Variants in ABR observed in about 807,000 individuals in gnomAD.
ABR encodes active breakpoint cluster region-related protein.
In ABR, 35 loss-of-function variants were observed where a neutral mutation model predicts 107.2. The observed-to-expected ratio is 0.33, with a 90% confidence interval of 0.25 to 0.43. The LOEUF (loss-of-function observed/expected upper bound fraction) is 0.43, where lower values mean the gene tolerates loss of function less well. ABR is among the 20% of genes least tolerant of loss of function. ABR has a pLI of 1.00. For missense variants in ABR, 815 were observed against 1,115.2 expected, an observed-to-expected ratio of 0.73 and a Z score of 3.83; for synonymous variants, 498 against 462.0, an observed-to-expected ratio of 1.08 and a Z score of -1.00.
intron 1 of ABR, among the ~76,000 whole-genome samples, chr17:1,175,728 C>G (rs536438066): frequency 5.3e-5 from 8 of 152,260 alleles, no homozygotes; most frequent in African/African-American, 1.9e-4. Context: ...GACCACCAAA[C>G]CTGTGATGGA....
At chr17:1,068,208 CA>C (rs2034912852) in intron 9 of ABR, among the ~76,000 whole-genome samples, 3 of 152,246 alleles carry the variant, frequency 2.0e-5, no homozygotes, top group African/African-American at 7.2e-5. Flanking sequence ...GCTGGGATTA[CA>C]GGCATAAGCC....
chr17:1,159,713 C>T (rs1217128008), intron 1 of ABR, among the ~76,000 whole-genome samples: 1 of 148,918 alleles, frequency 6.7e-6, no homozygotes, highest in African/African-American at 2.5e-5. Flanking sequence ...GCGGTACTCA[C>T]GCACAAGGGA....
rs560550443 is a variant in ABR, at chr17:1,010,473, C to T, written c.2236+256G>A. The T allele has an allele frequency of 5.7e-5, 29 of 509,426 alleles. 1 individual carries two copies. The highest frequency in any genetic ancestry group is 5.5e-4 in the East Asian group (16 of 29,166). 31.6% of individuals were successfully genotyped at this position (509,426 alleles called of 1,614,324 possible). ...CTCGAGCTTCCAAGCAAGAGGCCAA[C>T]GTCCAAATAGGAAGCAGAAGGGGCT... On this transcript the variant is annotated intron_variant, in intron 20 of 22. Transcript: ENST00000302538. The surrounding 1 kb of genome is among the most constrained non-coding windows in gnomAD (Gnocchi z 4.1).
At position 1,045,357 on chromosome 17, in the gene ABR, CTTA is replaced by C. The variant is rs2031402296; in HGVS notation, c.1791+4690_1791+4692del. On this transcript the variant is annotated intron_variant, in intron 16 of 22. Coordinates refer to ENST00000302538, the MANE Select transcript of ABR (RefSeq NM_021962.5). ...TTATAGCAGGACAATCTTCCATCTT[CTTA>C]CAGCAGGACAATCTTCCGTCTTCTT... Among the ~76,000 whole-genome samples the C allele has an allele frequency of 8.4e-5, 11 of 130,900 alleles. No homozygotes were observed. In the South Asian group the frequency reaches 2.6e-3, roughly 31 times the overall value. 85.9% of individuals were successfully genotyped at this position (130,900 alleles called of 152,430 possible). A position where few individuals can be genotyped will look rare whatever the true frequency, so the allele number is the denominator to read the frequency against.
Position 1,009,688 on chromosome 17 carries a change from T to G in ABR, c.2333A>C (p.His778Pro), listed in dbSNP as rs1395929002. The change falls in exon 21 of 23, where the codon CAC (histidine) becomes CCC (proline). Residue 778 changes from histidine to proline, a missense_variant. Transcript: ENST00000302538. ...GGCCGCTCCCCGTTACCTTTTCAAG[T>G]GTTCCAGCAGGAAGAGGAAGGTGAT... Reference protein sequence around the residue: ...NLITFLFLLEHLKRVAEKEPI... With the variant: ...NLITFLFLLEPLKRVAEKEPI... The G allele has an allele frequency of 6.2e-7, 1 of 1,612,900 alleles. No individual in the cohort carries two copies. Among genetic ancestry groups the G allele is most frequent in the Non-Finnish European group, 8.5e-7 (1 of 1,179,306 alleles).
intron 1 of ABR, among the ~76,000 whole-genome samples, chr17:1,139,080 CA>C (rs1396811586): frequency 2.6e-5 from 4 of 151,920 alleles, no homozygotes; most frequent in Non-Finnish European, 4.4e-5. Flanking sequence ...CTTAGGAAGC[CA>C]GGGAAAGGAG....
intron 2 of ABR, among the ~76,000 whole-genome samples, chr17:1,110,088 A>G: frequency 6.9e-6 from 1 of 144,900 alleles, no homozygotes; most frequent in South Asian, 2.4e-4. Flanking sequence ...GCAGGGAGCC[A>G]TCCTGCAAGG....
Position 1,113,277 on chromosome 17 carries a change from G to GGTTTTTTTTTTTTTTTTTTT in ABR, c.246+11905_246+11906insAAAAAAAAAAAAAAAAAAAC, listed in dbSNP as rs1416563541. 4.5e-5 allele frequency among the ~76,000 whole-genome samples: 4 copies of GGTTTTTTTTTTTTTTTTTTT among 88,172 alleles called. 2 individuals are homozygous for GGTTTTTTTTTTTTTTTTTTT. Among genetic ancestry groups the GGTTTTTTTTTTTTTTTTTTT allele is most frequent in the Non-Finnish European group, 4.3e-5 (2 of 46,544 alleles). The allele number at this position is 88,172 out of a possible 152,430, so 57.8% of individuals were successfully genotyped here. ...GGGATAACATGGAAACACCTATTGCGATTTTTTTTTTTTTTTTTTTTTTTT... is the reference window on the plus strand; with the variant it reads ...GGGATAACATGGAAACACCTATTGCGGTTTTTTTTTTTTTTTTTTTATTTTTTTTTTTTTTTTTTTTTTTT... On this transcript the variant is annotated intron_variant, in intron 2 of 22. Coordinates refer to ENST00000302538, the MANE Select transcript of ABR (RefSeq NM_021962.5).
intron 1 of ABR, among the ~76,000 whole-genome samples, chr17:1,147,586 C>T (rs980144688): frequency 1.3e-5 from 2 of 152,110 alleles, no homozygotes; most frequent in African/African-American, 4.8e-5. Context: ...GTCTCAAACT[C>T]CTGACCTCAG....
intron 1 of ABR, among the ~76,000 whole-genome samples, chr17:1,198,737 G>A (rs1395261575): frequency 2.7e-5 from 4 of 150,286 alleles, no homozygotes; most frequent in Non-Finnish European, 5.9e-5. Flanking sequence ...CCGGGTTCAC[G>A]CCATTCTCCT....
chr17:1,169,822 G>A (rs920564594), intron 1 of ABR, among the ~76,000 whole-genome samples: 4 of 152,142 alleles, frequency 2.6e-5, no homozygotes, highest in Admixed American at 1.3e-4. Context: ...TTAAAAGGCT[G>A]GAGAGCAGGG....
upstream of ABR, among the ~76,000 whole-genome samples, chr17:1,180,973 G>A (rs551370475): frequency 3.9e-5 from 6 of 152,306 alleles, no homozygotes; most frequent in African/African-American, 1.4e-4. Context: ...GGAAAGGGAA[G>A]CAGTGGGGCC....
In ABR at chr17:1,009,866, C is replaced by G. The variant is rs1248814421; in HGVS notation, c.2237-82G>C. The G allele has an allele frequency of 3.9e-6, 5 of 1,273,438 alleles. No individual in the cohort carries two copies. The African/African-American group carries it at 4.4e-5, about 11-fold the overall frequency. 78.9% of individuals were successfully genotyped at this position (1,273,438 alleles called of 1,614,324 possible). The stretch of plus-strand genomic sequence containing the variant: ...CCTGTGGTCGTGAGGCTGTGGGCCC[C>G]TGCGGGAGAGAGCCCAGGCTTCCAG... On this transcript the variant is annotated intron_variant, in intron 20 of 22. Transcript: ENST00000302538.
At position 1,179,099 on chromosome 17, in the gene ABR, C is replaced by G. The variant is rs2042023891; in HGVS notation, c.61+568G>C. Among the ~76,000 whole-genome samples the G allele has an allele frequency of 6.6e-6, 1 of 151,812 alleles. No homozygotes were observed. Among genetic ancestry groups the G allele is most frequent in the Non-Finnish European group, 1.5e-5 (1 of 67,926 alleles). On this transcript the variant is annotated intron_variant, in intron 1 of 22. Transcript: ENST00000302538. This position sits in a 1 kb window ranked among gnomAD's most constrained non-coding sequence, Gnocchi z 4.9. ...TGCTGAGCCCGGGATTTTCAGCTCC[C>G]GCATCCAAACGGCCCCCGCGGATAT...
intron 2 of ABR, among the ~76,000 whole-genome samples, chr17:1,102,630 G>A (rs926871656): frequency 2.6e-5 from 4 of 152,212 alleles, no homozygotes; most frequent in African/African-American, 4.8e-5. Context: ...CCGTATGGCC[G>A]CAGGCTGGAA....
chr17:1,172,042 T>C (rs1197173292), intron 1 of ABR, among the ~76,000 whole-genome samples: 1 of 152,218 alleles, frequency 6.6e-6, no homozygotes, highest in Non-Finnish European at 1.5e-5. Flanking sequence ...ACATTTTCCA[T>C]ACAGCCAGTA....
At chr17:1,060,721 G>A (rs1005414476) in intron 10 of ABR, among the ~76,000 whole-genome samples, 2 of 152,110 alleles carry the variant, frequency 1.3e-5, no homozygotes, top group Non-Finnish European at 2.9e-5. Context: ...GGCTGAGCAC[G>A]GTGGCTCACA....
chr17:1,193,947 G>A lies in ABR; in HGVS notation c.838+34846C>T, dbSNP rs1226746886. On this transcript the variant is annotated intron_variant, in intron 1 of 22. Transcript: ENST00000574139. ...CTGACCTCGTGATCTGCCCACCTTG[G>A]CCTCTCAAAGTGCTGGGATAACAGG... Among the ~76,000 whole-genome samples, 6 of 152,130 alleles carry A rather than the reference G, an allele frequency of 3.9e-5. No individual in the cohort carries two copies. The East Asian group carries it at 7.8e-4, about 20-fold the overall frequency.
intron 4 of ABR, 146 bp from the exon 5 acceptor site, chr17:1,083,773 G>A: frequency 1.5e-6 from 1 of 680,614 alleles, no homozygotes; most frequent in Non-Finnish European, 2.6e-6. Context: ...GAAACGCAGG[G>A]ATGAACATAT....
Sources: allele counts gnomAD v4.1 joint callset (sites outside exome capture counted in the v4.1 genomes callset), GRCh38; gene constraint gnomAD v4.1.1; non-coding constraint Gnocchi (gnomAD v3.1); transcripts MANE v1.5; gene names NCBI Gene and HGNC (gene_info 2026-07-23, HGNC 2026-07-21).